The following HSF4 variants were observed in gnomAD, a reference collection of about 807,000 sequenced individuals.
HSF4 encodes the protein heat shock transcription factor 4.
HSF4 carries 41 observed loss-of-function variants against 52.0 expected under a neutral mutation model. The ratio of observed to expected loss-of-function variants is 0.79; its 90% confidence interval spans 0.61 to 1.02. The LOEUF is 1.02. HSF4 is among the 50% of genes least tolerant of loss of function. The pLI is 0.00. For missense variants in HSF4, 610 were observed against 651.1 expected, an observed-to-expected ratio of 0.94 and a Z score of 0.69; for synonymous variants, 285 against 273.0, an observed-to-expected ratio of 1.04 and a Z score of -0.43.
upstream of HSF4, chr16:67,163,853 G>A (rs755783940): frequency 4.6e-6 from 7 of 1,512,472 alleles, no homozygotes; most frequent in Non-Finnish European, 6.1e-6. Context: ...CCCCGTGGAC[G>A]TAAGCGCTCT....
Position 67,166,082 on chromosome 16 carries a change from G to A in HSF4, c.485+12G>A. ...CGGGAGCTCAGGCAGTGCGGGGGCG[G>A]GCGGGGAAAGAGGGGACAGGGGTGG... On this transcript the variant is annotated intron_variant, in intron 4 of 12. Transcript: ENST00000521374. 1 of 1,530,970 alleles carries A rather than the reference G, an allele frequency of 6.5e-7. No individual in the cohort carries two copies. The allele number at this position is 1,530,970 out of a possible 1,614,324, so 94.8% of individuals were successfully genotyped here. A position where few individuals can be genotyped will look rare whatever the true frequency, so the allele number is the denominator to read the frequency against.
At position 67,167,896 on chromosome 16, in the gene HSF4, C is replaced by A; in HGVS notation, c.1031C>A (p.Pro344His). 6.2e-7 allele frequency: 1 copy of A among 1,604,972 alleles called. No homozygotes were observed. Among genetic ancestry groups the A allele is most frequent in the African/African-American group, 1.3e-5 (1 of 74,978 alleles). Residue 344 changes from proline to histidine, a missense_variant, in exon 9 of 13, where the codon CCC becomes CAC. Transcript: ENST00000521374. ...EGKGSFSPEG[P>H]RNAQQPEPGD... is the part of the protein sequence containing the mutation. Reference sequence around the variant, plus strand: ...AAAGGGAGCTTCAGCCCCGAGGGGCCCAGGAATGCCCAACAGCCTGAACCA... The same window carrying A: ...AAAGGGAGCTTCAGCCCCGAGGGGCACAGGAATGCCCAACAGCCTGAACCA...
At position 67,169,255 on chromosome 16, in the gene HSF4, C is replaced by T. The variant is rs773319225; in HGVS notation, c.1255-24C>T. ...CTCAGCTGCTAGGTCCCCTCCCCAG[C>T]TGCTCCCTGCGGTTCTCACGCAGAT... On this transcript the variant is annotated intron_variant, in intron 11 of 12. Coordinates refer to ENST00000521374, the MANE Select transcript of HSF4 (RefSeq NM_001374675.1). The surrounding 1 kb of genome is among the most constrained non-coding windows in gnomAD (Gnocchi z 4.3). 7 of 1,612,908 alleles carry T rather than the reference C, an allele frequency of 4.3e-6. No individual in the cohort carries two copies. The Admixed American group carries it at 1.0e-4, about 23-fold the overall frequency.
At chr16:67,166,116 G>C in intron 4 of HSF4, 46 bp downstream of exon 4, 2 of 1,505,296 alleles carry the variant, frequency 1.3e-6, no homozygotes, top group Non-Finnish European at 1.8e-6. Flanking sequence ...GGGGGGTTCG[G>C]GATGAGACCA....
intron 6 of HSF4, 139 bp downstream of exon 6, chr16:67,166,761 A>C (rs1597240788): frequency 1.2e-6 from 1 of 814,790 alleles, no homozygotes; most frequent in Admixed American, 2.1e-5. Context: ...TCCTCACCCC[A>C]TCTAGGATCC....
chr16:67,167,319 C>T, intron 7 of HSF4, 97 bp downstream of exon 7: 1 of 1,608,554 alleles, frequency 6.2e-7, no homozygotes, highest in South Asian at 1.1e-5. Context: ...AAGATGGAAG[C>T]CAGCCTTCCC....
In HSF4 at chr16:67,165,448, G is replaced by A; in HGVS notation, c.124-74G>A. ...GAGTGTGTGCGCGCGCTGGAGCGCA[G>A]GACTGGCCGTGAGCGGGCACCGCTC... is the stretch of plus-strand genomic sequence containing the variant. On this transcript the variant is annotated intron_variant, in intron 1 of 12. Transcript: ENST00000521374. This position sits in a 1 kb window ranked among gnomAD's most constrained non-coding sequence, Gnocchi z 6.9. 7.4e-7 allele frequency: 1 copy of A among 1,346,098 alleles called. No individual in the cohort carries two copies. Among genetic ancestry groups the A allele is most frequent in the Non-Finnish European group, 1.1e-6 (1 of 938,542 alleles). The allele number at this position is 1,346,098 out of a possible 1,614,324, so 83.4% of individuals were successfully genotyped here. A position where few individuals can be genotyped will look rare whatever the true frequency, so the allele number is the denominator to read the frequency against.
Position 67,166,023 on chromosome 16 carries a change from G to A in HSF4, c.438G>A (p.Leu146=). Residue 146 remains leucine (L), a synonymous_variant, in exon 4 of 13, where the codon TTG becomes TTA. Transcript: ENST00000521374. The stretch of plus-strand genomic sequence containing the variant: ...GACTACTGGGCGAGGTGCAGGCTTT[G>A]CGGGGAGTGCAGGAGAGCACCGAGG... ...LGRLLGEVQA[L]RGVQESTEAR... 1 of 1,535,848 alleles carries A rather than the reference G, an allele frequency of 6.5e-7. No individual in the cohort carries two copies. Among genetic ancestry groups the A allele is most frequent in the South Asian group, 1.2e-5 (1 of 84,200 alleles).
intron 7 of HSF4, 27 bp from the exon 8 acceptor site, chr16:67,167,448 G>A: frequency 6.2e-7 from 1 of 1,613,776 alleles, no homozygotes. Flanking sequence ...TACAGGCCAA[G>A]GGCTGGGCCT....
Position 67,169,508 on chromosome 16 carries a change from G to C in HSF4, c.1325-123G>C. ...CCCATGCCCTCACCATTGGGCGAGA[G>C]TGGGGAGGTTAAGAATGGATGTTTT... On this transcript the variant is annotated intron_variant, in intron 12 of 12. Transcript: ENST00000521374. The surrounding 1 kb of genome is among the most constrained non-coding windows in gnomAD (Gnocchi z 4.3). 1 of 1,588,804 alleles carries C rather than the reference G, an allele frequency of 6.3e-7. No individual in the cohort carries two copies. Among genetic ancestry groups the C allele is most frequent in the South Asian group, 1.1e-5 (1 of 89,492 alleles).
In HSF4 at chr16:67,167,842, T is replaced by C; in HGVS notation, c.977T>C (p.Val326Ala). Residue 326 changes from valine (V) to alanine (A), a missense_variant, in exon 9 of 13, where the codon GTG becomes GCG. Physicochemically the swap from Val to Ala is moderately conservative, Grantham distance 64. Transcript: ENST00000521374. ...GTGACAGCCCCCCCGCCACTGCCTG[T>C]GGCTGTGGTGCAGGCCATCCTGGAA... ...FCVTAPPPLP[V>A]AVVQAILEGK... The C allele has an allele frequency of 6.2e-7, 1 of 1,604,568 alleles. No individual in the cohort carries two copies. The highest frequency in any genetic ancestry group is 2.2e-5 in the East Asian group (1 of 44,458).
rs2031154447 is a variant in HSF4 at position 67,165,141 on chromosome 16, A to G, written c.123+207A>G. Reference sequence around the variant, plus strand: ...TTAGGAGCCTGCCTTCTGAAGACCTAGAGTCCGAGGGACCTTCGAGGCCAT... The same window carrying G: ...TTAGGAGCCTGCCTTCTGAAGACCTGGAGTCCGAGGGACCTTCGAGGCCAT... On this transcript the variant is annotated intron_variant, in intron 1 of 12. Transcript: ENST00000521374. This position sits in a 1 kb window ranked among gnomAD's most constrained non-coding sequence, Gnocchi z 6.9. 3.2e-6 allele frequency: 2 copies of G among 621,998 alleles called. No individual in the cohort carries two copies. The highest frequency in any genetic ancestry group is 5.6e-6 in the Non-Finnish European group (2 of 359,320). 38.5% of individuals were successfully genotyped at this position (621,998 alleles called of 1,614,324 possible). A position where few individuals can be genotyped will look rare whatever the true frequency, so the allele number is the denominator to read the frequency against.
Position 67,165,918 on chromosome 16 carries a change from C to A in HSF4, c.361-28C>A. The A allele has an allele frequency of 6.3e-7, 1 of 1,586,820 alleles. No homozygotes were observed. Among genetic ancestry groups the A allele is most frequent in the Non-Finnish European group, 8.5e-7 (1 of 1,174,536 alleles). ...GACTGCCTGCCTTGCTCCTGCGACCCAGTCCCGACGGTGCCTCCCGCCTGC... is the reference window on the plus strand; with the variant it reads ...GACTGCCTGCCTTGCTCCTGCGACCAAGTCCCGACGGTGCCTCCCGCCTGC... On this transcript the variant is annotated intron_variant, in intron 3 of 12. Coordinates refer to ENST00000521374, the MANE Select transcript of HSF4 (RefSeq NM_001374675.1). This position sits in a 1 kb window ranked among gnomAD's most constrained non-coding sequence, Gnocchi z 6.9.
chr16:67,165,551 G>C lies in HSF4; in HGVS notation c.153G>C (p.Gln51His). Residue 51 changes from glutamine (Q) to histidine (H), a missense_variant, in exon 2 of 13, where the codon CAG becomes CAC. By Grantham distance (24) the Gln-to-His change is conservative (BLOSUM62 0). Coordinates refer to ENST00000521374, the MANE Select transcript of HSF4 (RefSeq NM_001374675.1). This position sits in a 1 kb window ranked among gnomAD's most constrained non-coding sequence, Gnocchi z 6.9. ...PSGTSFLVSD[Q>H]SRFAKEVLPQ... ...GGACCAGTTTCCTCGTAAGCGACCAGAGCCGTTTCGCCAAGGAAGTGCTGC... is the reference window on the plus strand; with the variant it reads ...GGACCAGTTTCCTCGTAAGCGACCACAGCCGTTTCGCCAAGGAAGTGCTGC... 6.2e-7 allele frequency: 1 copy of C among 1,613,242 alleles called. No individual in the cohort carries two copies. The highest frequency in any genetic ancestry group is 8.5e-7 in the Non-Finnish European group (1 of 1,179,920).
Position 67,167,768 on chromosome 16 carries a change from G to C in HSF4, c.903G>C (p.Gly301=). 1 of 1,604,412 alleles carries C rather than the reference G, an allele frequency of 6.2e-7. No homozygotes were observed. The highest frequency in any genetic ancestry group is 8.5e-7 in the Non-Finnish European group (1 of 1,175,930). The change falls in exon 9 of 13, where the codon GGG becomes GGC. Residue 301 remains glycine (G), a synonymous_variant. Coordinates refer to ENST00000521374, the MANE Select transcript of HSF4 (RefSeq NM_001374675.1). ...LLKEEPASPG[G]DGEAGLALAP... Reference sequence around the variant, plus strand: ...AAGAAGAGCCGGCCAGTCCAGGGGGGGATGGCGAGGCCGGGCTGGCCCTGG... The same window carrying C: ...AAGAAGAGCCGGCCAGTCCAGGGGGCGATGGCGAGGCCGGGCTGGCCCTGG...
chr16:67,168,816 G>A lies in HSF4; in HGVS notation c.1083-15G>A, dbSNP rs753533977. The stretch of plus-strand genomic sequence containing the variant: ...GGGTGGACACTGCAGGCCAAAAGCA[G>A]TTCTGTCTGCACAGGGGGCCTCTGG... On this transcript the variant is annotated splice_polypyrimidine_tract_variant and intron_variant, in intron 9 of 12. Transcript: ENST00000521374. The A allele has an allele frequency of 5.6e-6, 9 of 1,607,082 alleles. No homozygotes were observed. The Admixed American group carries it at 1.0e-4, about 18-fold the overall frequency.
At position 67,169,791 on chromosome 16, in the gene HSF4, C is replaced by G; in HGVS notation, c.*6C>G. 6.2e-7 allele frequency: 1 copy of G among 1,613,094 alleles called. No individual in the cohort carries two copies. The highest frequency in any genetic ancestry group is 8.5e-7 in the Non-Finnish European group (1 of 1,179,982). On this transcript the variant is annotated 3_prime_UTR_variant, in exon 13 of 13. Transcript: ENST00000521374. The surrounding 1 kb of genome is among the most constrained non-coding windows in gnomAD (Gnocchi z 4.3). ...AAGCCAGTCCCTCCCCCTAAGACCC[C>G]GCGCCTCTGAAGGGGCTTGGAACCA...
Position 67,169,485 on chromosome 16 carries a change from C to T in HSF4, c.1324+137C>T. 2 of 1,576,626 alleles carry T rather than the reference C, an allele frequency of 1.3e-6. No homozygotes were observed. Among genetic ancestry groups the T allele is most frequent in the Non-Finnish European group, 1.7e-6 (2 of 1,165,396 alleles). ...ACTGCAGAGCGTTCCTTGAGCCACCCATGCCCTCACCATTGGGCGAGAGTG... is the reference window on the plus strand; with the variant it reads ...ACTGCAGAGCGTTCCTTGAGCCACCTATGCCCTCACCATTGGGCGAGAGTG... On this transcript the variant is annotated intron_variant, in intron 12 of 12. Transcript: ENST00000521374. This position sits in a 1 kb window ranked among gnomAD's most constrained non-coding sequence, Gnocchi z 4.3.
At chr16:67,168,551 AAGAAG>A (rs1290740905) in intron 9 of HSF4, among the ~76,000 whole-genome samples, 1 of 152,144 alleles carries the variant, frequency 6.6e-6, no homozygotes. Flanking sequence ...GAAATAAAGA[AAGAAG>A]AGAAAGAAGC....
Sources: gnomAD v4.1 joint callset for allele counts (sites outside exome capture counted in the v4.1 genomes callset) on GRCh38, gnomAD v4.1.1 for gene constraint, Gnocchi (gnomAD v3.1) non-coding constraint, MANE v1.5 for transcripts, NCBI Gene and HGNC (gene_info 2026-07-23, HGNC 2026-07-21) for gene names.